Variants in DNAH3 observed in about 807,000 individuals in gnomAD.
DNAH3 encodes the protein dynein axonemal heavy chain 3.
DNAH3 carries 332 observed loss-of-function variants against 432.5 expected under a neutral mutation model. That is an observed-to-expected ratio of 0.77 (90% CI 0.70 to 0.84). The LOEUF (loss-of-function observed/expected upper bound fraction) is 0.84, where lower values mean the gene tolerates loss of function less well. Among genes scored for constraint, DNAH3 ranks in the 40% least tolerant of loss-of-function variants. The pLI is 0.00. For missense variants in DNAH3, 4,861 were observed against 5,114.0 expected, an observed-to-expected ratio of 0.95 and a Z score of 1.51; for synonymous variants, 1,956 against 1,900.2, an observed-to-expected ratio of 1.03 and a Z score of -0.76.
At chr16:20,981,789 C>T (rs2085911334) in intron 49 of DNAH3, among the ~76,000 whole-genome samples, 1 of 151,732 alleles carries the variant, frequency 6.6e-6, no homozygotes, top group South Asian at 2.1e-4. Flanking sequence ...GTGTGCCAAG[C>T]ACCTTCTAGA....
At chr16:20,951,610 A>AT (rs2084313250) in intron 56 of DNAH3, among the ~76,000 whole-genome samples, 2 of 151,296 alleles carry the variant, frequency 1.3e-5, no homozygotes. Flanking sequence ...CGCCTGGCTA[A>AT]TTTTTGTATT....
At chr16:21,140,385 G>A (rs1219723008) in intron 5 of DNAH3, 151 bp downstream of exon 6, 10 of 707,554 alleles carry the variant, frequency 1.4e-5, no homozygotes, top group Non-Finnish European at 2.1e-5. Context: ...ACACAAACAT[G>A]CGCCCTCTTC....
chr16:21,009,269 A>G (rs574750128), intron 41 of DNAH3, among the ~76,000 whole-genome samples: 101 of 152,380 alleles, frequency 6.6e-4, no homozygotes, highest in African/African-American at 2.4e-3. Context: ...GTATTAGCAT[A>G]GAAAATGCTT....
At chr16:20,998,612 G>A (rs1465629219) in intron 43 of DNAH3, among the ~76,000 whole-genome samples, 2 of 151,872 alleles carry the variant, frequency 1.3e-5, no homozygotes, top group Non-Finnish European at 2.9e-5. Flanking sequence ...ACTTCCCGAA[G>A]GGCAGGGACT....
At chr16:21,127,956 G>T in intron 7 of DNAH3, 144 bp from the exon 9 acceptor site, 1 of 1,050,630 alleles carries the variant, frequency 9.5e-7, no homozygotes, top group Non-Finnish European at 1.4e-6. Context: ...GAAAGATGCT[G>T]AGGAGGATAT....
At chr16:21,078,778 C>G (rs2091069845) in intron 20 of DNAH3, among the ~76,000 whole-genome samples, 1 of 152,164 alleles carries the variant, frequency 6.6e-6, no homozygotes, top group South Asian at 2.1e-4. Context: ...AGGAGTTGAC[C>G]TCACCCAAAA....
At chr16:21,099,157 T>C (rs2161263) in intron 16 of DNAH3, among the ~76,000 whole-genome samples, 33,698 of 152,022 alleles carry the variant, frequency 0.22, 4,005 homozygotes, top group East Asian at 0.31. Flanking sequence ...ATCAGGAATA[T>C]ATTTGCGAAG....
chr16:21,158,666 C>T (rs964808306), intron 1 of DNAH3: 1 of 152,876 alleles, frequency 6.5e-6, no homozygotes, highest in African/African-American at 2.4e-5. Context: ...GACGCTCTTT[C>T]CTTCTTCCTC....
intron 16 of DNAH3, among the ~76,000 whole-genome samples, chr16:21,099,634 T>G (rs1331457796): frequency 6.6e-6 from 1 of 152,114 alleles, no homozygotes; most frequent in South Asian, 2.1e-4. Flanking sequence ...GGAAAGTCAC[T>G]TAAACTCTCT....
intron 18 of DNAH3, among the ~76,000 whole-genome samples, chr16:21,091,066 T>A (rs1310868491): frequency 6.6e-6 from 1 of 151,970 alleles, no homozygotes; most frequent in African/African-American, 2.4e-5. Flanking sequence ...GGTGGGAGGA[T>A]CACTTGAACC....
At chr16:20,963,149 C>A (rs762925545) in intron 53 of DNAH3, 135 bp downstream of exon 53, 7 of 819,036 alleles carry the variant, frequency 8.5e-6, no homozygotes, top group Non-Finnish European at 1.3e-5. Context: ...AGTTCCGTGG[C>A]TCCACCTCAG....
chr16:20,962,598 G>A (rs1390888691), intron 53 of DNAH3, among the ~76,000 whole-genome samples: 1 of 152,154 alleles, frequency 6.6e-6, no homozygotes, highest in Admixed American at 6.5e-5. Flanking sequence ...TGCGGCACTA[G>A]AAGGGACACA....
exon 53 of DNAH3, chr16:20,963,779 CCTT>C (rs772656968): frequency 6.8e-6 from 11 of 1,613,970 alleles, no homozygotes; most frequent in Non-Finnish European, 9.3e-6. Flanking sequence ...AGTAGCTTGT[CCTT>C]CTCAAACAGA....
chr16:21,134,761 AC>A (rs935919494), intron 6 of DNAH3, among the ~76,000 whole-genome samples: 18 of 151,734 alleles, frequency 1.2e-4, no homozygotes, highest in Non-Finnish European at 1.6e-4. Flanking sequence ...GCTCACTGCA[AC>A]CTCCACCTCC....
At chr16:21,153,948 C>G (rs1038673400) in intron 1 of DNAH3, among the ~76,000 whole-genome samples, 6 of 152,178 alleles carry the variant, frequency 3.9e-5, no homozygotes, top group Non-Finnish European at 7.3e-5. Flanking sequence ...CTCTTTATCA[C>G]AAAGTATACA....
intron 44 of DNAH3, among the ~76,000 whole-genome samples, chr16:20,989,712 G>C (rs1597076015): frequency 6.6e-6 from 1 of 152,234 alleles, no homozygotes; most frequent in East Asian, 1.9e-4. Context: ...CGTCGGGGAG[G>C]CTTGGGCCGC....
rs771138028 is a variant in DNAH3 at position 21,042,220 on chromosome 16, C to A, written c.4462-17G>T. 15 of 1,573,928 alleles carry A rather than the reference C, an allele frequency of 9.5e-6. No homozygotes were observed. Among genetic ancestry groups the A allele is most frequent in the East Asian group, 2.3e-5 (1 of 43,926 alleles). ...CACTTCTACCTGGGGTGAGAATGCCCGGCTGATAAGAGCATCTGCTTCTGT... is the reference window on the plus strand; with the variant it reads ...CACTTCTACCTGGGGTGAGAATGCCAGGCTGATAAGAGCATCTGCTTCTGT... On this transcript the variant is annotated splice_polypyrimidine_tract_variant and intron_variant, in intron 31 of 61. Coordinates refer to ENST00000261383, the Ensembl canonical transcript of DNAH3.
intron 12 of DNAH3, among the ~76,000 whole-genome samples, chr16:21,113,788 C>A (rs1007194460): frequency 6.6e-6 from 1 of 152,118 alleles, no homozygotes; most frequent in African/African-American, 2.4e-5. Context: ...TGGAAATGAT[C>A]ATTAACACCT....
At chr16:21,055,535 T>A (rs2152746920) in intron 27 of DNAH3, among the ~76,000 whole-genome samples, 1 of 152,328 alleles carries the variant, frequency 6.6e-6, no homozygotes, top group African/African-American at 2.4e-5. Context: ...TTGTATTATA[T>A]CTTTGTATTA....
Sources: allele counts gnomAD v4.1 joint callset (sites outside exome capture counted in the v4.1 genomes callset), GRCh38; gene constraint gnomAD v4.1.1; transcripts MANE v1.5; gene names NCBI Gene and HGNC (gene_info 2026-07-23, HGNC 2026-07-21).